Variants in COPS2 observed in about 807,000 individuals in gnomAD.
The protein encoded by COPS2 is COP9 signalosome subunit 2, also known as COP9 signalosome complex subunit 2.
A neutral mutation model predicts 66.1 loss-of-function variants in COPS2; 10 were observed. The ratio of observed to expected loss-of-function variants is 0.15; its 90% CI spans 0.09 to 0.26. COPS2 has a LOEUF of 0.26. COPS2 is among the 10% of genes least tolerant of loss of function. COPS2 has a pLI of 1.00. For synonymous variants in COPS2, 179 were observed against 171.3 expected (o/e 1.04, Z -0.35); for missense variants, 215 against 513.3 (o/e 0.42, Z 5.62).
chr15:49,141,904 C>T (rs867818653), intron 3 of COPS2, among the ~76,000 whole-genome samples: 4 of 152,168 alleles, frequency 2.6e-5, no homozygotes, highest in South Asian at 2.1e-4. Flanking sequence ...CAAATGGACT[C>T]GAAACCACTG....
At chr15:49,144,765 G>A (rs1400677782) in intron 2 of COPS2, among the ~76,000 whole-genome samples, 200 bp downstream of exon 2, 2 of 152,068 alleles carry the variant, frequency 1.3e-5, no homozygotes, top group South Asian at 2.1e-4. Flanking sequence ...CAGGACAATG[G>A]CCCTGCTCCA....
At position 49,128,893 on chromosome 15, in the gene COPS2, A is replaced by T. The variant is rs1459867457; in HGVS notation, c.1129-133T>A. On this transcript the variant is annotated intron_variant, in intron 11 of 12. Coordinates refer to ENST00000388901, the MANE Select transcript of COPS2 (RefSeq NM_004236.4). The stretch of plus-strand genomic sequence containing the variant: ...AAGAGAAGATTTTTAAACATATTTC[A>T]TTATCACTTCAAAATATATCCGAGA... 8.5e-6 allele frequency: 5 copies of T among 590,796 alleles called. No individual in the cohort carries two copies. In the East Asian group the frequency reaches 1.5e-4, roughly 18 times the overall value. The allele number at this position is 590,796 out of a possible 1,614,324, so 36.6% of individuals were successfully genotyped here.
At chr15:49,155,274 G>A (rs2084414857) in intron 1 of COPS2, among the ~76,000 whole-genome samples, 1 of 152,272 alleles carries the variant, frequency 6.6e-6, no homozygotes, top group Non-Finnish European at 1.5e-5. Context: ...GTAAACCGAA[G>A]AGGCGCTCAG....
intron 3 of COPS2, among the ~76,000 whole-genome samples, chr15:49,143,768 C>T (rs1407502129): frequency 1.3e-5 from 2 of 152,078 alleles, no homozygotes; most frequent in Non-Finnish European, 2.9e-5. Flanking sequence ...AGGCAGATCA[C>T]GAGGTCAGGA....
chr15:49,142,971 G>A (rs1319892919), intron 3 of COPS2, among the ~76,000 whole-genome samples: 1 of 152,148 alleles, frequency 6.6e-6, no homozygotes, highest in Non-Finnish European at 1.5e-5. Context: ...ATCACATGGT[G>A]ACATATGCAA....
At chr15:49,148,150 T>G (rs1426644228) in intron 1 of COPS2, among the ~76,000 whole-genome samples, 2 of 152,188 alleles carry the variant, frequency 1.3e-5, no homozygotes, top group Non-Finnish European at 2.9e-5. Context: ...ATTCTATTGT[T>G]TAGGTGCTTC....
chr15:49,142,672 T>G (rs1163995323), intron 3 of COPS2, among the ~76,000 whole-genome samples: 1 of 152,236 alleles, frequency 6.6e-6, no homozygotes, highest in Non-Finnish European at 1.5e-5. Context: ...AAGATTCATG[T>G]TTGTACCTAG....
At position 49,141,122 on chromosome 15, in the gene COPS2, T is replaced by C. The variant is rs117701127; in HGVS notation, c.247-1469A>G. On this transcript the variant is annotated intron_variant, in intron 3 of 12. Transcript: ENST00000388901. Reference sequence around the variant, plus strand: ...TGCTAAATCCACATTACAGTACATATCTTGCAGCAAAAGGGAAATCAGAGA... The same window carrying C: ...TGCTAAATCCACATTACAGTACATACCTTGCAGCAAAAGGGAAATCAGAGA... 9.3e-3 allele frequency among the ~76,000 whole-genome samples: 1,413 copies of C among 152,240 alleles called. 26 individuals are homozygous for C. Among genetic ancestry groups the C allele is most frequent in the Non-Finnish European group, 0.015 (1,041 of 68,020 alleles).
chr15:49,133,838 A>G, intron 8 of COPS2, 27 bp from the exon 9 acceptor site: 1 of 1,557,464 alleles, frequency 6.4e-7, no homozygotes, highest in Non-Finnish European at 8.7e-7. Flanking sequence ...AAAAAATTAA[A>G]TATATGTACA....
rs1253934895 is a variant in COPS2 at position 49,123,765 on chromosome 15, ATAT to A, written c.*4182_*4184del. The A allele has an allele frequency of 2.0e-5, 3 of 152,198 alleles. No individual in the cohort carries two copies. The highest frequency in any genetic ancestry group is 2.9e-5 in the Non-Finnish European group (2 of 68,026). 9.4% of individuals were successfully genotyped at this position (152,198 alleles called of 1,614,324 possible). A position where few individuals can be genotyped will look rare whatever the true frequency, so the allele number is the denominator to read the frequency against. On this transcript the variant is annotated 3_prime_UTR_variant, in exon 13 of 13. Transcript: ENST00000388901. ...TTTTTAACTACTACAGGTAGTTTAG[ATAT>A]TATTATACGTGACAGTAAAAAAGTA...
rs2084174093 is a variant in COPS2 at position 49,127,212 on chromosome 15, G to C, written c.*738C>G. 6.6e-6 allele frequency: 1 copy of C among 152,168 alleles called. No individual in the cohort carries two copies. Among genetic ancestry groups the C allele is most frequent in the Admixed American group, 6.6e-5 (1 of 15,250 alleles). 9.4% of individuals were successfully genotyped at this position (152,168 alleles called of 1,614,324 possible). A position where few individuals can be genotyped will look rare whatever the true frequency, so the allele number is the denominator to read the frequency against. Reference sequence around the variant, plus strand: ...CAATAAAGACTACTTTTAAAAACTTGAAAGCAAATAACCAACTTATTTGCC... The same window carrying C: ...CAATAAAGACTACTTTTAAAAACTTCAAAGCAAATAACCAACTTATTTGCC... On this transcript the variant is annotated 3_prime_UTR_variant, in exon 13 of 13. Coordinates refer to ENST00000388901, the MANE Select transcript of COPS2 (RefSeq NM_004236.4).
chr15:49,123,581 T>C lies in COPS2; in HGVS notation c.*4369A>G, dbSNP rs1457416442. 1 of 152,252 alleles carries C rather than the reference T, an allele frequency of 6.6e-6. No homozygotes were observed. The highest frequency in any genetic ancestry group is 1.5e-5 in the Non-Finnish European group (1 of 68,038). 9.4% of individuals were successfully genotyped at this position (152,252 alleles called of 1,614,324 possible). On this transcript the variant is annotated 3_prime_UTR_variant, in exon 13 of 13. Coordinates refer to ENST00000388901, the MANE Select transcript of COPS2 (RefSeq NM_004236.4). The stretch of plus-strand genomic sequence containing the variant: ...TATACATATGCACACAAAAAAGTTT[T>C]GGTCAGCTATTCATGTGGAAATTCT...
chr15:49,149,420 A>AT (rs1416668100), intron 1 of COPS2, among the ~76,000 whole-genome samples: 1 of 152,068 alleles, frequency 6.6e-6, no homozygotes, highest in Non-Finnish European at 1.5e-5. Flanking sequence ...AGCAAACTAA[A>AT]TTTTTTTTCT....
chr15:49,154,624 A>G (rs1223873651), intron 1 of COPS2, among the ~76,000 whole-genome samples: 1 of 152,236 alleles, frequency 6.6e-6, no homozygotes, highest in Non-Finnish European at 1.5e-5. Flanking sequence ...ATAAAGAAAC[A>G]CAGCAAAATT....
chr15:49,127,676 A>G lies in COPS2; in HGVS notation c.*274T>C, dbSNP rs1185703007. 1 of 293,342 alleles carries G rather than the reference A, an allele frequency of 3.4e-6. No individual in the cohort carries two copies. The highest frequency in any genetic ancestry group is 9.6e-4 in the Middle Eastern group (1 of 1,046). The allele number at this position is 293,342 out of a possible 1,614,324, so 18.2% of individuals were successfully genotyped here. ...AATCTTCTCTCTGGTCATGTTGCCCATGACAAATTACTATGATGTTGTACG... is the reference window on the plus strand; with the variant it reads ...AATCTTCTCTCTGGTCATGTTGCCCGTGACAAATTACTATGATGTTGTACG... On this transcript the variant is annotated 3_prime_UTR_variant, in exon 13 of 13. Transcript: ENST00000388901.
At chr15:49,130,470 G>A (rs1409595874) in intron 10 of COPS2, among the ~76,000 whole-genome samples, 3 of 151,836 alleles carry the variant, frequency 2.0e-5, no homozygotes, top group Non-Finnish European at 4.4e-5. Context: ...TTTTTAAAAA[G>A]GGACAGTTAC....
At chr15:49,147,718 AC>A (rs2084330336) in intron 1 of COPS2, among the ~76,000 whole-genome samples, 1 of 127,556 alleles carries the variant, frequency 7.8e-6, no homozygotes, top group African/African-American at 2.8e-5. Context: ...TTTAGATGTT[AC>A]AACTCCAAAA....
chr15:49,130,701 T>G lies in COPS2; in HGVS notation c.1045+18A>C. The G allele has an allele frequency of 1.4e-6, 2 of 1,433,166 alleles. No homozygotes were observed. The highest frequency in any genetic ancestry group is 2.0e-6 in the Non-Finnish European group (2 of 1,023,772). The allele number at this position is 1,433,166 out of a possible 1,614,324, so 88.8% of individuals were successfully genotyped here. On this transcript the variant is annotated intron_variant, in intron 10 of 12. Coordinates refer to ENST00000388901, the MANE Select transcript of COPS2 (RefSeq NM_004236.4). ...TGGCAAAGAAAGTAATAGAATCCAG[T>G]TGGCAGAAAGAACATACCTTCAATG...
At chr15:49,137,285 G>A (rs2084260205) in intron 5 of COPS2, 58 bp from the exon 6 acceptor site, 1 of 1,533,558 alleles carries the variant, frequency 6.5e-7, no homozygotes, top group East Asian at 2.3e-5. Context: ...GCATCTTTAG[G>A]AGACTTTATT....
Sources: allele counts gnomAD v4.1 joint callset (sites outside exome capture counted in the v4.1 genomes callset), GRCh38; gene constraint gnomAD v4.1.1; transcripts MANE v1.5; gene names NCBI Gene and HGNC (gene_info 2026-07-23, HGNC 2026-07-21).